FRMPD4: variants seen among roughly 807,000 people sequenced by gnomAD.
The protein encoded by FRMPD4 is FERM and PDZ domain containing 4.
In FRMPD4, 22 loss-of-function variants were observed where a neutral mutation model predicts 94.1. That is an observed-to-expected ratio of 0.23 (90% CI 0.17 to 0.33). The LOEUF (loss-of-function observed/expected upper bound fraction) is 0.33, where lower values mean the gene tolerates loss of function less well. Ranked by LOEUF, FRMPD4 falls within the 10% of genes least tolerant of loss-of-function variation. The pLI, the probability that FRMPD4 is intolerant of heterozygous loss-of-function variation, is 1.00. For synonymous variants in FRMPD4, 631 were observed against 548.6 expected (o/e 1.15, Z -2.10); for missense variants, 1,111 against 1,339.9 (o/e 0.83, Z 2.67).
intron 3 of FRMPD4, among the ~76,000 whole-genome samples, chrX:12,053,233 G>A (rs2054828467): frequency 9.3e-6 from 1 of 107,989 alleles, no homozygotes; most frequent in Non-Finnish European, 1.9e-5. Context: ...CAGCTACTTG[G>A]GAGGCTGAGG....
At chrX:12,364,546 G>T (rs1360900708) in intron 1 of FRMPD4, among the ~76,000 whole-genome samples, 1 of 110,654 alleles carries the variant, frequency 9.0e-6, no homozygotes, top group Non-Finnish European at 1.9e-5. Flanking sequence ...AGGTGGTTGG[G>T]CTGTGGGCTG....
chrX:12,133,265 T>A (rs924200459), intron 3 of FRMPD4, among the ~76,000 whole-genome samples: 1 of 106,724 alleles, frequency 9.4e-6, no homozygotes, highest in Non-Finnish European at 1.9e-5. Context: ...AGAGATGGGG[T>A]CTCACTATGT....
At chrX:12,076,358 A>T (rs201687348) in intron 3 of FRMPD4, among the ~76,000 whole-genome samples, 1 of 83,555 alleles carries the variant, frequency 1.2e-5, no homozygotes, top group Non-Finnish European at 2.3e-5. Flanking sequence ...GTGTGTGTGT[A>T]TGTGTGTGTG....
intron 3 of FRMPD4, among the ~76,000 whole-genome samples, chrX:11,927,282 C>T (rs142884292): frequency 4.5e-3 from 504 of 111,910 alleles, no homozygotes; most frequent in African/African-American, 0.015. Flanking sequence ...TCTATGCTCA[C>T]GTATAGGAAG....
chrX:12,517,144 T>G (rs1489589004), intron 2 of FRMPD4, among the ~76,000 whole-genome samples: 2 of 110,698 alleles, frequency 1.8e-5, no homozygotes, highest in Non-Finnish European at 3.8e-5. Context: ...TGTATTGGGT[T>G]AGAACATACT....
At position 12,157,091 on chromosome X, in the gene FRMPD4, A is replaced by C. The variant is rs1341628404; in HGVS notation, c.41+18079A>C. On this transcript the variant is annotated intron_variant, in intron 1 of 16. Coordinates refer to ENST00000675598, the MANE Select transcript of FRMPD4 (RefSeq NM_001368397.1). ...AGAAATTTGTCTTGCATTGTTACCC[A>C]GTCCACATATATAACATGTGTGTGT... Among the ~76,000 whole-genome samples, 20 of 110,345 alleles carry C rather than the reference A, an allele frequency of 1.8e-4. No homozygotes were observed. The Admixed American group carries it at 1.9e-3, about 10-fold the overall frequency.
intron 3 of FRMPD4, among the ~76,000 whole-genome samples, chrX:11,980,026 T>C (rs2054388962): frequency 8.9e-6 from 1 of 112,030 alleles, no homozygotes; most frequent in African/African-American, 3.2e-5. Flanking sequence ...CGCACGCTCA[T>C]GCTTGTGTGT....
At chrX:11,835,075 G>A (rs889926174) in intron 1 of FRMPD4, among the ~76,000 whole-genome samples, 1 of 111,564 alleles carries the variant, frequency 9.0e-6, no homozygotes, top group Admixed American at 9.5e-5. Context: ...GAAGGGTTGG[G>A]AGAATATAAC....
At chrX:12,594,611 A>G (rs1470362203) in intron 2 of FRMPD4, among the ~76,000 whole-genome samples, 1 of 109,441 alleles carries the variant, frequency 9.1e-6, no homozygotes, top group Non-Finnish European at 1.9e-5. Flanking sequence ...AATTTTTTGT[A>G]TTCTTAGTAG....
chrX:11,839,988 A>G (rs1421380139), intron 1 of FRMPD4, among the ~76,000 whole-genome samples: 2 of 111,645 alleles, frequency 1.8e-5, no homozygotes, highest in Non-Finnish European at 3.8e-5. Flanking sequence ...CAGTGGTTTT[A>G]CAGTAAGTTT....
intron 3 of FRMPD4, among the ~76,000 whole-genome samples, chrX:11,884,743 C>T (rs1352489497): frequency 9.0e-6 from 1 of 111,369 alleles, no homozygotes; most frequent in Non-Finnish European, 1.9e-5. Flanking sequence ...AGCTTTATTA[C>T]CTTTTTATTA....
intron 2 of FRMPD4, among the ~76,000 whole-genome samples, chrX:12,587,323 T>C (rs929136064): frequency 1.4e-4 from 16 of 112,154 alleles, no homozygotes; most frequent in African/African-American, 5.2e-4. Context: ...TAAAATTTAC[T>C]GCTAGTTACA....
intron 7 of FRMPD4, among the ~76,000 whole-genome samples, chrX:12,688,711 T>C (rs2147115189): frequency 9.2e-6 from 1 of 108,757 alleles, no homozygotes; most frequent in East Asian, 2.9e-4. Flanking sequence ...TTCTCTTTCC[T>C]GGGCTTTAAG....
chrX:11,880,888 C>T (rs1223434792), intron 3 of FRMPD4, among the ~76,000 whole-genome samples: 1 of 111,927 alleles, frequency 8.9e-6, no homozygotes, highest in African/African-American at 3.2e-5. Flanking sequence ...AGTGATCCAC[C>T]CACCTTGACC....
At chrX:11,825,595 CT>C (rs67184714) in intron 1 of FRMPD4, among the ~76,000 whole-genome samples, 11,218 of 110,520 alleles carry the variant, frequency 0.1, 601 homozygotes, top group East Asian at 0.25. Context: ...AATATGTATC[CT>C]GATAGTGGTG....
chrX:12,455,275 C>T (rs1021313203), intron 1 of FRMPD4, among the ~76,000 whole-genome samples: 4 of 111,758 alleles, frequency 3.6e-5, no homozygotes, highest in Non-Finnish European at 7.5e-5. Flanking sequence ...AGGATCCTTT[C>T]ATCACCACCG....
chrX:12,153,984 A>G (rs960653256), intron 1 of FRMPD4, among the ~76,000 whole-genome samples: 1 of 112,995 alleles, frequency 8.8e-6, no homozygotes, highest in Admixed American at 9.3e-5. Context: ...CAGTTAAAAC[A>G]GTAGAACTGA....
chrX:12,461,515 T>C (rs912007243), intron 1 of FRMPD4, among the ~76,000 whole-genome samples: 1 of 111,945 alleles, frequency 8.9e-6, no homozygotes, highest in African/African-American at 3.2e-5. Context: ...ACGCCATCAA[T>C]GTCATAGTGA....
chrX:11,914,291 C>CTTT (rs57258573), intron 3 of FRMPD4, among the ~76,000 whole-genome samples: 2 of 89,216 alleles, frequency 2.2e-5, no homozygotes, highest in Non-Finnish European at 2.2e-5. Context: ...ACTTTTTTTT[C>CTTT]TTTTTTTTTT....
Sources: allele counts gnomAD v4.1 joint callset (sites outside exome capture counted in the v4.1 genomes callset), GRCh38; gene constraint gnomAD v4.1.1; transcripts MANE v1.5; gene names NCBI Gene and HGNC (gene_info 2026-07-23, HGNC 2026-07-21).